Variants in TSPAN7 observed in about 807,000 individuals in gnomAD.
The protein encoded by TSPAN7 is tetraspanin-7.
TSPAN7 carries 1 observed loss-of-function variant against 17.6 expected under a neutral mutation model. The observed-to-expected ratio is 0.06, with a 90% confidence interval of 0.02 to 0.27. The LOEUF is 0.27. Among genes scored for constraint, TSPAN7 ranks in the 10% least tolerant of loss-of-function variants. The pLI is 1.00. For synonymous variants in TSPAN7, 78 were observed against 79.0 expected (o/e 0.99, Z 0.07); for missense variants, 112 against 201.7 (o/e 0.56, Z 2.69).
rs761050949 is a variant in TSPAN7, at chrX:38,607,792, C to T, written c.81+46165C>T. Among the ~76,000 whole-genome samples, 3 of 106,910 alleles carry T rather than the reference C, an allele frequency of 2.8e-5. No homozygotes were observed. In the South Asian group the frequency reaches 1.3e-3, roughly 45 times the overall value. 92.8% of individuals were successfully genotyped at this position (106,910 alleles called of 115,157 possible). A position where few individuals can be genotyped will look rare whatever the true frequency, so the allele number is the denominator to read the frequency against. ...AGGACTCACCTTCTTCCTGATTCTG[C>T]AGAAACCAAAACATGGCTATGTTTA... is the stretch of plus-strand genomic sequence containing the variant. On this transcript the variant is annotated intron_variant, in intron 1 of 7. Coordinates refer to ENST00000378482, the MANE Select transcript of TSPAN7 (RefSeq NM_004615.4).
At chrX:38,612,533 T>C in intron 1 of TSPAN7, 3 of 112,034 alleles carry the variant, frequency 2.7e-5, no homozygotes, top group Middle Eastern at 9.0e-3. Context: ...CTTCTTTTAG[T>C]ACACAGCTGT....
intron 1 of TSPAN7, among the ~76,000 whole-genome samples, chrX:38,581,765 G>C (rs2069228560): frequency 8.9e-6 from 1 of 112,308 alleles, no homozygotes; most frequent in South Asian, 3.7e-4. Flanking sequence ...AGACACCTGG[G>C]TATTATTTCT....
chrX:38,656,756 C>A (rs777856996), intron 1 of TSPAN7, among the ~76,000 whole-genome samples: 28 of 111,949 alleles, frequency 2.5e-4, no homozygotes, highest in African/African-American at 7.5e-4. Flanking sequence ...ATAGTCTTAA[C>A]CTCTGGTTTG....
chrX:38,608,124 T>G (rs1280646201), intron 1 of TSPAN7: 2 of 110,297 alleles, frequency 1.8e-5, no homozygotes, highest in African/African-American at 6.6e-5. Flanking sequence ...TGGGGACACT[T>G]AAGCTTTCAG....
intron 1 of TSPAN7, among the ~76,000 whole-genome samples, chrX:38,613,543 A>G (rs2069433933): frequency 1.8e-5 from 2 of 111,272 alleles, no homozygotes; most frequent in Admixed American, 1.9e-4. Flanking sequence ...CTATGACAAT[A>G]TATCTTTAGA....
intron 1 of TSPAN7, among the ~76,000 whole-genome samples, chrX:38,615,021 C>G (rs1259882060): frequency 9.0e-6 from 1 of 110,886 alleles, no homozygotes; most frequent in Non-Finnish European, 1.9e-5. Flanking sequence ...TTTGTCAAAC[C>G]AAATTGTTCA....
chrX:38,657,694 A>G lies in TSPAN7; in HGVS notation c.82-8427A>G, dbSNP rs760408527. Among the ~76,000 whole-genome samples the G allele has an allele frequency of 6.0e-4, 68 of 112,644 alleles. 1 individual carries two copies. The highest frequency in any genetic ancestry group is 1.1e-3 in the Non-Finnish European group (57 of 53,341). On this transcript the variant is annotated intron_variant, in intron 1 of 7. Coordinates refer to ENST00000378482, the MANE Select transcript of TSPAN7 (RefSeq NM_004615.4). ...TTGTAGATGATGAACTAAGACACAG[A>G]TATGCAACATGACTGGTGTAAGCTA...
intron 1 of TSPAN7, among the ~76,000 whole-genome samples, chrX:38,562,010 A>C (rs2069114214): frequency 8.9e-6 from 1 of 112,529 alleles, no homozygotes; most frequent in Non-Finnish European, 1.9e-5. Context: ...TTCCCCTACC[A>C]GCCGGTTCGC....
rs147550953 is a variant in TSPAN7 at position 38,687,137 on chromosome X, A to G, written c.682-462A>G. 1.4e-4 allele frequency among the ~76,000 whole-genome samples: 16 copies of G among 112,481 alleles called. No individual in the cohort carries two copies. The Admixed American group carries it at 1.5e-3, about 11-fold the overall frequency. ...TTTGTCAGCTGGGTATGGCTGAGAC[A>G]TCATAGTATGCTGAGAAATCTTCCA... On this transcript the variant is annotated intron_variant, in intron 6 of 7. Coordinates refer to ENST00000378482, the MANE Select transcript of TSPAN7 (RefSeq NM_004615.4).
chrX:38,615,118 T>C (rs2069447421), intron 1 of TSPAN7, among the ~76,000 whole-genome samples: 1 of 111,523 alleles, frequency 9.0e-6, no homozygotes, highest in African/African-American at 3.3e-5. Flanking sequence ...ATTTGAATAT[T>C]AGAGTATTAG....
chrX:38,598,975 T>C (rs757167010), intron 1 of TSPAN7, among the ~76,000 whole-genome samples: 1 of 112,103 alleles, frequency 8.9e-6, no homozygotes, highest in South Asian at 3.7e-4. Context: ...GTATTCATAC[T>C]CTAAATTTTA....
chrX:38,663,121 A>G (rs1236584833), intron 1 of TSPAN7, among the ~76,000 whole-genome samples: 1 of 105,491 alleles, frequency 9.5e-6, no homozygotes, highest in Non-Finnish European at 1.9e-5. Flanking sequence ...ATGCCCATCA[A>G]TCAATGAGTG....
intron 1 of TSPAN7, among the ~76,000 whole-genome samples, chrX:38,578,175 C>A (rs2069207425): frequency 9.0e-6 from 1 of 111,386 alleles, no homozygotes; most frequent in Admixed American, 9.5e-5. Context: ...TTGTGAAAGG[C>A]CATATGTTCA....
intron 1 of TSPAN7, among the ~76,000 whole-genome samples, chrX:38,614,011 G>A (rs1389004469): frequency 1.2e-5 from 1 of 81,435 alleles, no homozygotes. Context: ...TTTTTCCCTT[G>A]CCTGCTGAGT....
chrX:38,651,611 G>A (rs1396306961), intron 1 of TSPAN7, among the ~76,000 whole-genome samples: 1 of 112,195 alleles, frequency 8.9e-6, no homozygotes. Flanking sequence ...GTAGGACCTG[G>A]CTGAGCAGCG....
At chrX:38,607,011 T>C (rs1036069999) in intron 1 of TSPAN7, among the ~76,000 whole-genome samples, 1 of 111,635 alleles carries the variant, frequency 9.0e-6, no homozygotes, top group Admixed American at 9.5e-5. Context: ...GGACTCTAGT[T>C]CTTCTTTTAC....
At chrX:38,577,939 G>A (rs1446854667) in intron 1 of TSPAN7, among the ~76,000 whole-genome samples, 1 of 110,667 alleles carries the variant, frequency 9.0e-6, no homozygotes, top group Admixed American at 9.6e-5. Context: ...GACTGTGTAG[G>A]CCCCTGGACA....
rs150493767 is a variant in TSPAN7 at position 38,663,811 on chromosome X, A to G, written c.82-2310A>G. On this transcript the variant is annotated intron_variant, in intron 1 of 7. Coordinates refer to ENST00000378482, the MANE Select transcript of TSPAN7 (RefSeq NM_004615.4). ...GGTAGTAACTGAACTTCATGAAATC[A>G]CTGGTCACAGAAATGTAAGTTATCA... Among the ~76,000 whole-genome samples, 28 of 112,569 alleles carry G rather than the reference A, an allele frequency of 2.5e-4. No individual in the cohort carries two copies. In the East Asian group the frequency reaches 4.4e-3, roughly 18 times the overall value.
At chrX:38,576,312 A>G (rs1385136134) in intron 1 of TSPAN7, among the ~76,000 whole-genome samples, 1 of 111,922 alleles carries the variant, frequency 8.9e-6, no homozygotes, top group African/African-American at 3.2e-5. Context: ...TTTATCTTGA[A>G]AGAGCTGGTA....
Sources: gnomAD v4.1 joint callset for allele counts (sites outside exome capture counted in the v4.1 genomes callset) on GRCh38, gnomAD v4.1.1 for gene constraint, MANE v1.5 for transcripts, NCBI Gene and HGNC (gene_info 2026-07-23, HGNC 2026-07-21) for gene names.